Variants in PTPRD observed in about 807,000 individuals in gnomAD.
The protein encoded by PTPRD is protein tyrosine phosphatase receptor type D, also known as receptor-type tyrosine-protein phosphatase delta.
A neutral mutation model predicts 214.5 loss-of-function variants in PTPRD; 34 were observed. That is an observed-to-expected ratio of 0.16 (90% CI 0.12 to 0.21). The LOEUF is 0.21. PTPRD is among the 10% of genes least tolerant of loss of function. The pLI is 1.00. For missense variants in PTPRD, 2,545 were observed against 2,398.7 expected, an observed-to-expected ratio of 1.06 and a Z score of -1.27; for synonymous variants, 1,128 against 845.7, an observed-to-expected ratio of 1.33 and a Z score of -5.79.
intron 9 of PTPRD, among the ~76,000 whole-genome samples, chr9:9,224,620 A>G (rs1178324789): frequency 6.6e-6 from 1 of 151,982 alleles, no homozygotes; most frequent in African/African-American, 2.4e-5. Context: ...AATTATGGTT[A>G]TATTTTTATA....
At chr9:9,947,960 G>A (rs1248728518) in intron 4 of PTPRD, among the ~76,000 whole-genome samples, 1 of 151,682 alleles carries the variant, frequency 6.6e-6, no homozygotes, top group East Asian at 1.9e-4. Flanking sequence ...AGTTATCTAC[G>A]AGTTTCCTTG....
intron 14 of PTPRD, among the ~76,000 whole-genome samples, chr9:8,576,819 C>T (rs772973383): frequency 1.3e-5 from 2 of 152,090 alleles, no homozygotes; most frequent in Non-Finnish European, 2.9e-5. Context: ...CAAACCAATG[C>T]CAACCCAGAA....
At chr9:8,898,232 G>A (rs535867136) in intron 11 of PTPRD, among the ~76,000 whole-genome samples, 58 of 151,590 alleles carry the variant, frequency 3.8e-4, no homozygotes, top group African/African-American at 1.4e-3. Flanking sequence ...CCTCTCAGTG[G>A]CATTATCAAC....
intron 9 of PTPRD, among the ~76,000 whole-genome samples, chr9:9,382,356 A>T (rs959917673): frequency 6.6e-6 from 1 of 152,130 alleles, no homozygotes; most frequent in Non-Finnish European, 1.5e-5. Context: ...AAGCTTATGC[A>T]CAGCAAAGAA....
At chr9:8,383,134 A>C (rs2085701701) in intron 37 of PTPRD, among the ~76,000 whole-genome samples, 1 of 152,240 alleles carries the variant, frequency 6.6e-6, no homozygotes, top group African/African-American at 2.4e-5. Flanking sequence ...AAGAATCTCA[A>C]GCTTTGTTTT....
intron 14 of PTPRD, among the ~76,000 whole-genome samples, chr9:8,552,372 G>C (rs2082363759): frequency 6.6e-6 from 1 of 152,356 alleles, no homozygotes; most frequent in East Asian, 1.9e-4. Context: ...ACCAGCGTGA[G>C]AGAGTTTTTG....
intron 12 of PTPRD, among the ~76,000 whole-genome samples, chr9:8,729,057 A>C (rs1393459573): frequency 2.0e-5 from 3 of 152,260 alleles, no homozygotes; most frequent in Non-Finnish European, 2.9e-5. Context: ...TTTCTCACCA[A>C]GCTCACCCCC....
chr9:8,799,411 T>C (rs1012015402), intron 11 of PTPRD, among the ~76,000 whole-genome samples: 83 of 152,222 alleles, frequency 5.5e-4, no homozygotes, highest in African/African-American at 2.0e-3. Flanking sequence ...GTTTCCCTGC[T>C]GGAAGAGACC....
chr9:8,909,127 C>A (rs2098729003), intron 11 of PTPRD, among the ~76,000 whole-genome samples: 3 of 151,830 alleles, frequency 2.0e-5, no homozygotes, highest in African/African-American at 7.3e-5. Flanking sequence ...ATAAATTCAG[C>A]TGGGAATTAA....
At chr9:10,579,246 T>G (rs1181361684) in intron 2 of PTPRD, among the ~76,000 whole-genome samples, 1 of 152,160 alleles carries the variant, frequency 6.6e-6, no homozygotes, top group African/African-American at 2.4e-5. Context: ...TCACATGTTC[T>G]CATCCAATAG....
intron 2 of PTPRD, among the ~76,000 whole-genome samples, chr9:10,380,438 G>T (rs2154483053): frequency 6.6e-6 from 1 of 152,080 alleles, no homozygotes; most frequent in South Asian, 2.1e-4. Flanking sequence ...TTTTAGGAAT[G>T]ATATATTTAG....
At chr9:8,614,786 T>A (rs2095557060) in intron 14 of PTPRD, among the ~76,000 whole-genome samples, 1 of 152,076 alleles carries the variant, frequency 6.6e-6, no homozygotes, top group Non-Finnish European at 1.5e-5. Flanking sequence ...GGAACAAGTA[T>A]CTGTTAGCCA....
In PTPRD at chr9:10,449,855, G is replaced by A. The variant is rs563059655; in HGVS notation, c.-599-108838C>T. 1.8e-3 allele frequency among the ~76,000 whole-genome samples: 270 copies of A among 151,916 alleles called. 6 individuals are homozygous for A. The highest frequency in any genetic ancestry group is 6.3e-3 in the African/African-American group (260 of 41,176). On this transcript the variant is annotated intron_variant, in intron 2 of 45. Coordinates refer to ENST00000381196, the MANE Select transcript of PTPRD (RefSeq NM_002839.4). ...ATCAGATTGTTACTGTGTCTGTATAGAAAGAAGTAGACATAGGAGACTCCA... is the reference window on the plus strand; with the variant it reads ...ATCAGATTGTTACTGTGTCTGTATAAAAAGAAGTAGACATAGGAGACTCCA...
At chr9:9,710,786 G>GAC (rs143354072) in intron 7 of PTPRD, among the ~76,000 whole-genome samples, 51 of 150,366 alleles carry the variant, frequency 3.4e-4, no homozygotes, top group South Asian at 1.9e-3. Context: ...CAACCTGTTG[G>GAC]ACACACACAC....
Position 9,164,206 on chromosome 9 carries a change from A to G in PTPRD, c.-143+19098T>C, listed in dbSNP as rs2099896773. On this transcript the variant is annotated intron_variant, in intron 10 of 45. Coordinates refer to ENST00000381196, the MANE Select transcript of PTPRD (RefSeq NM_002839.4). ...CCATTTTCCTTCTGGAGGATATACAAGATAATCAATTTCTTTATCTTTTAC... is the reference window on the plus strand; with the variant it reads ...CCATTTTCCTTCTGGAGGATATACAGGATAATCAATTTCTTTATCTTTTAC... 2.0e-5 allele frequency among the ~76,000 whole-genome samples: 3 copies of G among 152,146 alleles called. No individual in the cohort carries two copies. In the South Asian group the frequency reaches 6.2e-4, roughly 32 times the overall value.
chr9:9,750,918 A>T (rs1218849639), intron 6 of PTPRD, among the ~76,000 whole-genome samples: 2 of 152,118 alleles, frequency 1.3e-5, no homozygotes, highest in Non-Finnish European at 2.9e-5. Flanking sequence ...GAACAAGATT[A>T]ATGAGCAGCC....
chr9:8,554,030 T>C (rs1302374708), intron 14 of PTPRD, among the ~76,000 whole-genome samples: 1 of 151,658 alleles, frequency 6.6e-6, no homozygotes, highest in Non-Finnish European at 1.5e-5. Context: ...CTACTAAAGA[T>C]ACAAAAAATT....
At chr9:9,860,564 T>C (rs2153689506) in intron 5 of PTPRD, among the ~76,000 whole-genome samples, 1 of 152,336 alleles carries the variant, frequency 6.6e-6, no homozygotes, top group South Asian at 2.1e-4. Context: ...GTACTACATT[T>C]GATTGCCTTA....
intron 11 of PTPRD, among the ~76,000 whole-genome samples, chr9:8,864,142 ACT>A (rs1491562924): frequency 6.6e-6 from 1 of 152,118 alleles, no homozygotes; most frequent in Non-Finnish European, 1.5e-5. Context: ...AAGAAGGAAA[ACT>A]CTGTTTCTCT....
Sources: gnomAD v4.1 joint callset for allele counts (sites outside exome capture counted in the v4.1 genomes callset) on GRCh38, gnomAD v4.1.1 for gene constraint, MANE v1.5 for transcripts, NCBI Gene and HGNC (gene_info 2026-07-23, HGNC 2026-07-21) for gene names.